The following SUPT3H variants were observed in gnomAD, a reference collection of about 807,000 sequenced individuals.
The protein encoded by SUPT3H is transcription initiation protein SPT3 homolog.
In SUPT3H, 44 loss-of-function variants were observed where a neutral mutation model predicts 44.3. The observed-to-expected ratio is 0.99, with a 90% CI of 0.78 to 1.28. SUPT3H has a LOEUF of 1.28. Among genes scored for constraint, SUPT3H ranks in the 50% most tolerant of loss-of-function variants. SUPT3H has a pLI of 0.00. For missense variants in SUPT3H, 380 were observed against 387.1 expected (o/e 0.98, Z 0.15); for synonymous variants, 124 against 125.6 (o/e 0.99, Z 0.09).
chr6:44,831,897 AT>A (rs573022088), intron 10 of SUPT3H, among the ~76,000 whole-genome samples: 66 of 151,906 alleles, frequency 4.3e-4, no homozygotes, highest in East Asian at 3.3e-3. Context: ...CAAACAAAAG[AT>A]TTTTTTTTAA....
Position 45,226,825 on chromosome 6 carries a change from G to A in SUPT3H, c.102-120819C>T, listed in dbSNP as rs559061479. The stretch of plus-strand genomic sequence containing the variant: ...ATTACAGGCGTGAGCCACTGCGCCT[G>A]GCCAACAAAAATATTTTAAAAAAAC... On this transcript the variant is annotated intron_variant, in intron 2 of 10. Coordinates refer to ENST00000371459, the MANE Select transcript of SUPT3H (RefSeq NM_003599.4). Among the ~76,000 whole-genome samples the A allele has an allele frequency of 5.5e-4, 83 of 151,902 alleles. 1 individual carries two copies. In the South Asian group the frequency reaches 0.016, roughly 30 times the overall value.
At chr6:45,302,802 A>G (rs968718606) in intron 2 of SUPT3H, among the ~76,000 whole-genome samples, 2 of 152,054 alleles carry the variant, frequency 1.3e-5, no homozygotes, top group Admixed American at 6.6e-5. Context: ...TACATTCCCA[A>G]CAGCAGTATA....
chr6:45,250,333 G>GA (rs550978728), intron 2 of SUPT3H, among the ~76,000 whole-genome samples: 1,720 of 142,016 alleles, frequency 0.012, 10 homozygotes, highest in Non-Finnish European at 0.018. Flanking sequence ...TTCTTTCAAT[G>GA]AAAAAAAAAT....
intron 2 of SUPT3H, among the ~76,000 whole-genome samples, chr6:45,317,120 A>G (rs1173551783): frequency 1.4e-5 from 2 of 147,660 alleles, no homozygotes; most frequent in African/African-American, 5.0e-5. Flanking sequence ...CCAGCTACTC[A>G]GGAGGCTGAG....
chr6:45,021,697 T>C (rs181294713), intron 3 of SUPT3H, among the ~76,000 whole-genome samples: 35 of 152,146 alleles, frequency 2.3e-4, no homozygotes, highest in Admixed American at 1.8e-3. Context: ...TCTCAACAAA[T>C]ATATGAAATC....
intron 10 of SUPT3H, among the ~76,000 whole-genome samples, chr6:44,908,380 T>A (rs1358580290): frequency 2.0e-5 from 3 of 152,072 alleles, no homozygotes; most frequent in Non-Finnish European, 4.4e-5. Context: ...CTCGATCTCC[T>A]GACCTCGTGA....
chr6:45,186,127 T>C (rs187852285), intron 2 of SUPT3H, among the ~76,000 whole-genome samples: 71 of 152,196 alleles, frequency 4.7e-4, no homozygotes, highest in Non-Finnish European at 9.0e-4. Context: ...GCAATGTAAG[T>C]CAGTGTCCCA....
chr6:45,178,380 A>G (rs1364799013), intron 2 of SUPT3H, among the ~76,000 whole-genome samples: 1 of 152,146 alleles, frequency 6.6e-6, no homozygotes, highest in Non-Finnish European at 1.5e-5. Context: ...CTAAATATAT[A>G]TGCATCCAAT....
intron 1 of SUPT3H, among the ~76,000 whole-genome samples, chr6:45,373,371 A>G (rs1342504757): frequency 6.6e-6 from 1 of 152,212 alleles, no homozygotes; most frequent in East Asian, 1.9e-4. Context: ...GAGCCTCATT[A>G]GTATAACCTA....
At chr6:45,033,516 G>A (rs1246170278) in intron 3 of SUPT3H, among the ~76,000 whole-genome samples, 1 of 152,068 alleles carries the variant, frequency 6.6e-6, no homozygotes, top group African/African-American at 2.4e-5. Context: ...ACCTCACAGG[G>A]CTTACAGACT....
In SUPT3H at chr6:44,897,267, G is replaced by A. The variant is rs559841141; in HGVS notation, c.912+35386C>T. Among the ~76,000 whole-genome samples the A allele has an allele frequency of 3.9e-5, 6 of 152,206 alleles. No homozygotes were observed. In the South Asian group the frequency reaches 1.0e-3, roughly 26 times the overall value. ...ACCTCAACTCTTTCGACAGAATATC[G>A]GGTTTATTTGCCAAAATGGATTTTT... On this transcript the variant is annotated intron_variant, in intron 10 of 10. Transcript: ENST00000371459.
chr6:45,018,764 G>A (rs1481275751), intron 4 of SUPT3H, among the ~76,000 whole-genome samples: 1 of 151,948 alleles, frequency 6.6e-6, no homozygotes, highest in South Asian at 2.1e-4. Flanking sequence ...TTTTATTGAG[G>A]ATTTTTGCAT....
chr6:45,349,317 T>C (rs1371241894), intron 2 of SUPT3H, among the ~76,000 whole-genome samples: 1 of 152,238 alleles, frequency 6.6e-6, no homozygotes, highest in Non-Finnish European at 1.5e-5. Flanking sequence ...ATGTGGGTTC[T>C]TTCTTGGCTT....
At chr6:45,247,639 C>T (rs1387302885) in intron 2 of SUPT3H, among the ~76,000 whole-genome samples, 1 of 151,182 alleles carries the variant, frequency 6.6e-6, no homozygotes, top group Non-Finnish European at 1.5e-5. Context: ...ATAGGGAGAA[C>T]TTTGGAAGCT....
chr6:45,233,266 A>G (rs1341612272), intron 2 of SUPT3H, among the ~76,000 whole-genome samples: 1 of 151,942 alleles, frequency 6.6e-6, no homozygotes, highest in East Asian at 1.9e-4. Context: ...CTCCAAATGG[A>G]CTCTGGGAGA....
chr6:45,346,567 C>CTTTTTTTTTT (rs71745024), intron 2 of SUPT3H, among the ~76,000 whole-genome samples: 6 of 140,430 alleles, frequency 4.3e-5, no homozygotes, highest in Non-Finnish European at 4.6e-5. Flanking sequence ...ATAAACATTT[C>CTTTTTTTTTT]TTTTTTTTTT....
intron 3 of SUPT3H, among the ~76,000 whole-genome samples, chr6:45,078,172 C>G (rs539660711): frequency 6.6e-6 from 1 of 152,126 alleles, no homozygotes; most frequent in Non-Finnish European, 1.5e-5. Context: ...CATGTCCAGT[C>G]CTCCGGTCAT....
intron 6 of SUPT3H, among the ~76,000 whole-genome samples, chr6:44,981,304 T>C (rs1779062112): frequency 6.6e-6 from 1 of 152,212 alleles, no homozygotes; most frequent in Non-Finnish European, 1.5e-5. Context: ...CTGGAAAATA[T>C]TGCTTCACTT....
intron 10 of SUPT3H, among the ~76,000 whole-genome samples, chr6:44,872,679 C>T (rs1776598944): frequency 1.2e-5 from 1 of 80,990 alleles, no homozygotes; most frequent in Non-Finnish European, 2.6e-5. Context: ...GGACTAAATT[C>T]TGCAATTAAA....
Sources: allele counts gnomAD v4.1 joint callset (sites outside exome capture counted in the v4.1 genomes callset), GRCh38; gene constraint gnomAD v4.1.1; transcripts MANE v1.5; gene names NCBI Gene and HGNC (gene_info 2026-07-23, HGNC 2026-07-21).